Variants in APBB1IP observed in about 807,000 individuals in gnomAD.
APBB1IP encodes amyloid beta A4 precursor protein-binding family B member 1-interacting protein.
APBB1IP carries 27 observed loss-of-function variants against 64.9 expected under a neutral mutation model. The observed-to-expected ratio is 0.42, with a 90% CI of 0.31 to 0.57. The LOEUF is 0.57. Among genes scored for constraint, APBB1IP ranks in the 20% least tolerant of loss-of-function variants. The pLI, the probability that APBB1IP is intolerant of heterozygous loss-of-function variation, is 0.20. For synonymous variants in APBB1IP, 392 were observed against 331.0 expected, an observed-to-expected ratio of 1.18 and a Z score of -2.00; for missense variants, 812 against 845.5, an observed-to-expected ratio of 0.96 and a Z score of 0.49.
intron 11 of APBB1IP, among the ~76,000 whole-genome samples, chr10:26,558,653 T>C (rs1053932341): frequency 2.0e-5 from 3 of 150,444 alleles, no homozygotes; most frequent in Non-Finnish European, 4.4e-5. Context: ...GATGCATGTT[T>C]GTGGTCCCAG....
At chr10:26,492,208 T>G (rs1296261090) in intron 2 of APBB1IP, 119 bp from the exon 3 acceptor site, 1 of 808,932 alleles carries the variant, frequency 1.2e-6, no homozygotes, top group Non-Finnish European at 2.0e-6. Context: ...CTCAATATAG[T>G]CCTCTCCCAA....
chr10:26,533,730 T>G (rs1836583548), intron 9 of APBB1IP, among the ~76,000 whole-genome samples: 1 of 152,182 alleles, frequency 6.6e-6, no homozygotes, highest in Non-Finnish European at 1.5e-5. Flanking sequence ...AACATGTGGC[T>G]TTAGATAAAT....
At position 26,447,991 on chromosome 10, in the gene APBB1IP, A is replaced by G. The variant is rs145934895; in HGVS notation, c.-1+9138A>G. On this transcript the variant is annotated intron_variant, in intron 2 of 14. Transcript: ENST00000376236. ...AAATGATATATCCAAAAATGATAAT[A>G]GCACTCTGGATCAAATGATTATTTT... 4.2e-4 allele frequency among the ~76,000 whole-genome samples: 64 copies of G among 152,318 alleles called. No homozygotes were observed. In the East Asian group the frequency reaches 7.3e-3, roughly 17 times the overall value.
chr10:26,489,148 A>C (rs1053370790), intron 2 of APBB1IP, among the ~76,000 whole-genome samples: 2 of 152,228 alleles, frequency 1.3e-5, no homozygotes, highest in Admixed American at 6.5e-5. Flanking sequence ...CAATTCAAGC[A>C]TCTGTCCTCC....
chr10:26,455,517 A>AC (rs1019024420), intron 2 of APBB1IP, among the ~76,000 whole-genome samples: 4 of 151,310 alleles, frequency 2.6e-5, no homozygotes, highest in Non-Finnish European at 5.9e-5. Context: ...GACAGAACAA[A>AC]AAAAAAAAAG....
chr10:26,562,773 G>A (rs1168543845), intron 14 of APBB1IP, among the ~76,000 whole-genome samples: 1 of 151,938 alleles, frequency 6.6e-6, no homozygotes, highest in Non-Finnish European at 1.5e-5. Context: ...TTCCAGCCTG[G>A]GCGACAGAGT....
At chr10:26,517,003 T>C (rs995639747) in intron 8 of APBB1IP, among the ~76,000 whole-genome samples, 2 of 152,172 alleles carry the variant, frequency 1.3e-5, no homozygotes, top group Non-Finnish European at 2.9e-5. Flanking sequence ...AGGGCTATTT[T>C]CTCGCCCCGA....
At chr10:26,475,358 C>A (rs570620379) in intron 2 of APBB1IP, among the ~76,000 whole-genome samples, 1 of 152,160 alleles carries the variant, frequency 6.6e-6, no homozygotes, top group African/African-American at 2.4e-5. Context: ...CCTGACCTCA[C>A]GTGATCTGCC....
chr10:26,512,644 T>C (rs1405532752), intron 7 of APBB1IP, among the ~76,000 whole-genome samples: 1 of 152,140 alleles, frequency 6.6e-6, no homozygotes, highest in Non-Finnish European at 1.5e-5. Context: ...TCTTGCTCTA[T>C]CACCGAAGCT....
intron 2 of APBB1IP, among the ~76,000 whole-genome samples, chr10:26,476,336 A>G (rs1159748597): frequency 6.7e-6 from 1 of 150,274 alleles, no homozygotes; most frequent in Non-Finnish European, 1.5e-5. Flanking sequence ...AGTCCCAGCT[A>G]CTTGGGAGGC....
intron 13 of APBB1IP, among the ~76,000 whole-genome samples, chr10:26,561,064 C>CTTTTTTTTTTTTTTTTTTTTTTT (rs764573338): frequency 7.2e-5 from 5 of 69,208 alleles, no homozygotes; most frequent in African/African-American, 2.4e-4. Context: ...TTCTTTCTTT[C>CTTTTTTTTTTTTTTTTTTTTTTT]TTTTTTTTTT....
At chr10:26,475,384 G>A (rs1835763566) in intron 2 of APBB1IP, among the ~76,000 whole-genome samples, 1 of 152,112 alleles carries the variant, frequency 6.6e-6, no homozygotes, top group African/African-American at 2.4e-5. Context: ...GGGCCTCCCA[G>A]GAATGAGATT....
intron 2 of APBB1IP, among the ~76,000 whole-genome samples, chr10:26,485,968 G>A (rs1835885472): frequency 6.6e-6 from 1 of 152,118 alleles, no homozygotes; most frequent in Admixed American, 6.5e-5. Context: ...GGTGGCTCAA[G>A]CCTGTAATCC....
intron 2 of APBB1IP, among the ~76,000 whole-genome samples, chr10:26,451,353 T>C (rs1439632676): frequency 6.6e-6 from 1 of 152,196 alleles, no homozygotes; most frequent in Non-Finnish European, 1.5e-5. Context: ...CTTCCCGAAG[T>C]ACTGAGATTA....
intron 11 of APBB1IP, among the ~76,000 whole-genome samples, chr10:26,542,305 C>T (rs2132469927): frequency 6.6e-6 from 1 of 152,242 alleles, no homozygotes; most frequent in South Asian, 2.1e-4. Flanking sequence ...TAGAGGTGTG[C>T]ACCACCACAC....
rs1836823345 is a variant in APBB1IP, at chr10:26,550,970, T to A, written c.1156-9135T>A. Among the ~76,000 whole-genome samples the A allele has an allele frequency of 2.6e-5, 4 of 152,214 alleles. No individual in the cohort carries two copies. In the South Asian group the frequency reaches 8.3e-4, roughly 31 times the overall value. On this transcript the variant is annotated intron_variant, in intron 11 of 14. Coordinates refer to ENST00000376236, the MANE Select transcript of APBB1IP (RefSeq NM_019043.4). ...TCCAGGTTAGACCCGAATCCTACAC[T>A]AACTCTGCCGAGGATACACTGTTCA...
intron 2 of APBB1IP, among the ~76,000 whole-genome samples, chr10:26,489,461 C>G (rs182155202): frequency 6.6e-6 from 1 of 152,186 alleles, no homozygotes; most frequent in African/African-American, 2.4e-5. Context: ...ATGATAAACG[C>G]AAGATAATTG....
intron 11 of APBB1IP, among the ~76,000 whole-genome samples, chr10:26,555,439 C>G (rs1836883193): frequency 6.6e-6 from 1 of 152,212 alleles, no homozygotes; most frequent in Non-Finnish European, 1.5e-5. Flanking sequence ...CAAAGACCCT[C>G]TCTTGGCCCA....
rs74128352 is a variant in APBB1IP at position 26,567,585 on chromosome 10, A to G, written c.*97A>G. The stretch of plus-strand genomic sequence containing the variant: ...CCCTGACATCTTGTTCATTTCAGAT[A>G]AAATGTGATGGGAAACTTCTCACTG... On this transcript the variant is annotated 3_prime_UTR_variant, in exon 15 of 15. Coordinates refer to ENST00000376236, the MANE Select transcript of APBB1IP (RefSeq NM_019043.4). 3,891 of 1,461,424 alleles carry G rather than the reference A, an allele frequency of 2.7e-3. 74 individuals are homozygous for G. In the African/African-American group the frequency reaches 0.048, roughly 18 times the overall value. 90.5% of individuals were successfully genotyped at this position (1,461,424 alleles called of 1,614,324 possible).
Sources: allele counts gnomAD v4.1 joint callset (sites outside exome capture counted in the v4.1 genomes callset), GRCh38; gene constraint gnomAD v4.1.1; transcripts MANE v1.5; gene names NCBI Gene and HGNC (gene_info 2026-07-23, HGNC 2026-07-21).